PPARGC1A: variants seen among roughly 807,000 people sequenced by gnomAD.
PPARGC1A encodes the protein peroxisome proliferator-activated receptor gamma coactivator 1-alpha.
A neutral mutation model predicts 88.7 loss-of-function variants in PPARGC1A; 25 were observed. The ratio of observed to expected loss-of-function variants is 0.28; its 90% confidence interval spans 0.21 to 0.39. PPARGC1A has a LOEUF of 0.39. PPARGC1A is among the 10% of genes least tolerant of loss of function. The pLI is 1.00. For missense variants in PPARGC1A, 880 were observed against 968.7 expected (o/e 0.91, Z 1.22); for synonymous variants, 363 against 355.6 (o/e 1.02, Z -0.24).
At chr4:24,132,045 C>T in the PPARGC1A span, among the ~76,000 whole-genome samples, 4 of 152,278 alleles carry the variant, frequency 2.6e-5, no homozygotes, top group East Asian at 3.9e-4. Flanking sequence ...CTGAATTGGC[C>T]GCGGGCATTT....
chr4:24,365,937 A>G, the PPARGC1A span, among the ~76,000 whole-genome samples: 2 of 152,198 alleles, frequency 1.3e-5, no homozygotes, highest in African/African-American at 4.8e-5. Flanking sequence ...AAATTTTAGA[A>G]CAGCCAGATC....
At chr4:24,335,651 T>G in the PPARGC1A span, among the ~76,000 whole-genome samples, 1 of 152,126 alleles carries the variant, frequency 6.6e-6, no homozygotes, top group Non-Finnish European at 1.5e-5. Flanking sequence ...AGCCCTCAAC[T>G]ATAAGCGCGA....
intron 2 of PPARGC1A, among the ~76,000 whole-genome samples, chr4:23,858,639 A>T (rs1730641109): frequency 6.6e-6 from 1 of 152,252 alleles, no homozygotes; most frequent in African/African-American, 2.4e-5. Flanking sequence ...GTTTTTGAAG[A>T]CCTAAGAAAG....
the PPARGC1A span, among the ~76,000 whole-genome samples, chr4:24,207,852 C>G: frequency 6.6e-6 from 1 of 152,228 alleles, no homozygotes; most frequent in African/African-American, 2.4e-5. Context: ...AAATAGAATT[C>G]AGGAAAATAC....
the PPARGC1A span, among the ~76,000 whole-genome samples, chr4:23,926,206 CCA>C: frequency 6.6e-6 from 1 of 152,232 alleles, no homozygotes; most frequent in South Asian, 2.1e-4. Flanking sequence ...CAGATTGTCC[CCA>C]GAGTCTCAGA....
At chr4:24,119,763 G>A in the PPARGC1A span, among the ~76,000 whole-genome samples, 3 of 152,220 alleles carry the variant, frequency 2.0e-5, no homozygotes, top group South Asian at 6.2e-4. Context: ...TGAAATGTGA[G>A]TGACTGTGTA....
chr4:24,149,378 A>C, the PPARGC1A span, among the ~76,000 whole-genome samples: 159 of 152,276 alleles, frequency 1.0e-3, no homozygotes, highest in Non-Finnish European at 5.9e-5. Flanking sequence ...AAAAGATTTT[A>C]ATAACTAGCA....
chr4:24,245,925 GCA>G, the PPARGC1A span, among the ~76,000 whole-genome samples: 10,255 of 148,348 alleles, frequency 0.069, 429 homozygotes, highest in East Asian at 0.22. Flanking sequence ...AAAGCCATGT[GCA>G]CACACACACA....
the PPARGC1A span, among the ~76,000 whole-genome samples, chr4:24,190,073 T>C: frequency 6.6e-6 from 1 of 152,194 alleles, no homozygotes; most frequent in Non-Finnish European, 1.5e-5. Context: ...TTGAAATGTC[T>C]AGGGTTTCAG....
chr4:24,273,789 G>A, the PPARGC1A span, among the ~76,000 whole-genome samples: 1 of 146,892 alleles, frequency 6.8e-6, no homozygotes, highest in Non-Finnish European at 1.5e-5. Flanking sequence ...GGAGTGCAAT[G>A]GCATGATCTT....
the PPARGC1A span, among the ~76,000 whole-genome samples, chr4:24,400,452 G>C: frequency 6.6e-6 from 1 of 152,162 alleles, no homozygotes; most frequent in African/African-American, 2.4e-5. Flanking sequence ...ACTCAGACTG[G>C]CTCTCCTTGC....
the PPARGC1A span, among the ~76,000 whole-genome samples, chr4:24,449,173 G>A: frequency 4.5e-3 from 687 of 151,998 alleles, 4 homozygotes; most frequent in African/African-American, 0.015. Flanking sequence ...ACCAATCAAC[G>A]ACCCCAATTT....
At chr4:24,114,212 CT>C in the PPARGC1A span, among the ~76,000 whole-genome samples, 1 of 151,606 alleles carries the variant, frequency 6.6e-6, no homozygotes, top group Non-Finnish European at 1.5e-5. Flanking sequence ...CTGGGACCAC[CT>C]AGCTCCTGTT....
At chr4:23,919,497 G>T in the PPARGC1A span, among the ~76,000 whole-genome samples, 2 of 75,358 alleles carry the variant, frequency 2.7e-5, no homozygotes, top group Non-Finnish European at 5.2e-5. Context: ...CCTCAAGGAG[G>T]ACTTTGGAGT....
At chr4:23,799,840 A>G (rs544795427) in intron 12 of PPARGC1A, among the ~76,000 whole-genome samples, 15 of 152,244 alleles carry the variant, frequency 9.9e-5, no homozygotes, top group African/African-American at 3.6e-4. Context: ...TAAACTCTAG[A>G]TGTTTTGAGA....
chr4:24,273,634 C>T, the PPARGC1A span, among the ~76,000 whole-genome samples: 5 of 152,000 alleles, frequency 3.3e-5, no homozygotes, highest in Non-Finnish European at 5.9e-5. Flanking sequence ...ACAAAAACAA[C>T]CAGGCCCAGG....
At chr4:24,340,653 A>C in the PPARGC1A span, among the ~76,000 whole-genome samples, 1 of 152,176 alleles carries the variant, frequency 6.6e-6, no homozygotes, top group African/African-American at 2.4e-5. Flanking sequence ...TTCCGTCCAC[A>C]TCTAACAGTA....
At chr4:24,345,094 A>T in the PPARGC1A span, among the ~76,000 whole-genome samples, 1 of 151,960 alleles carries the variant, frequency 6.6e-6, no homozygotes, top group African/African-American at 2.4e-5. Context: ...TGGGTTCTCC[A>T]TTCTGTTCCG....
At chr4:23,833,687 C>G (rs1725464713) in intron 2 of PPARGC1A, among the ~76,000 whole-genome samples, 1 of 152,172 alleles carries the variant, frequency 6.6e-6, no homozygotes, top group Non-Finnish European at 1.5e-5. Context: ...AATTGTTTTC[C>G]TTAATTCCTG....
Sources: allele counts gnomAD v4.1 joint callset (sites outside exome capture counted in the v4.1 genomes callset), GRCh38; gene constraint gnomAD v4.1.1; transcripts MANE v1.5; gene names NCBI Gene and HGNC (gene_info 2026-07-23, HGNC 2026-07-21).